The following ZNF438 variants were observed in gnomAD, a reference collection of about 807,000 sequenced individuals.
The protein encoded by ZNF438 is zinc finger protein 438.
In ZNF438, 25 loss-of-function variants were observed where a neutral mutation model predicts 38.0. The ratio of observed to expected loss-of-function variants is 0.66; its 90% CI spans 0.48 to 0.92. The LOEUF is 0.92. ZNF438 is among the 40% of genes least tolerant of loss of function. The pLI is 0.00. For synonymous variants in ZNF438, 372 were observed against 364.1 expected (o/e 1.02, Z -0.25); for missense variants, 1,007 against 999.6 (o/e 1.01, Z -0.10).
chr10:30,938,404 T>C (rs1202407679), intron 2 of ZNF438, among the ~76,000 whole-genome samples: 1 of 152,078 alleles, frequency 6.6e-6, no homozygotes, highest in Non-Finnish European at 1.5e-5. Context: ...GCCTCCCAAG[T>C]AGCTGGGATT....
At chr10:30,856,583 G>A (rs2034671000) in intron 4 of ZNF438, among the ~76,000 whole-genome samples, 2 of 152,126 alleles carry the variant, frequency 1.3e-5, no homozygotes, top group Admixed American at 1.3e-4. Flanking sequence ...ACTCTCACCT[G>A]CACCCACTAA....
In ZNF438 at chr10:30,877,078, A is replaced by T. The variant is rs1305536988; in HGVS notation, c.-31-13T>A. On this transcript the variant is annotated splice_polypyrimidine_tract_variant and intron_variant, in intron 3 of 5. Transcript: ENST00000413025. ...AATAGTATCTTTCCTAAAAATAAGC[A>T]AGCACAAATAAGTATTAGAAAGTAA... The T allele has an allele frequency of 2.0e-6, 3 of 1,495,446 alleles. No individual in the cohort carries two copies. The highest frequency in any genetic ancestry group is 2.8e-6 in the Non-Finnish European group (3 of 1,088,406). 92.6% of individuals were successfully genotyped at this position (1,495,446 alleles called of 1,614,324 possible).
chr10:30,978,579 T>G (rs572844059), intron 1 of ZNF438, among the ~76,000 whole-genome samples: 1 of 152,180 alleles, frequency 6.6e-6, no homozygotes, highest in African/African-American at 2.4e-5. Flanking sequence ...ACACAACCAT[T>G]ATCCCAAAAA....
intron 2 of ZNF438, among the ~76,000 whole-genome samples, chr10:30,914,165 C>A (rs1244806053): frequency 6.6e-6 from 1 of 151,810 alleles, no homozygotes; most frequent in Non-Finnish European, 1.5e-5. Context: ...ATATTAATTT[C>A]GAGACAATCT....
intron 1 of ZNF438, among the ~76,000 whole-genome samples, chr10:31,013,104 G>T (rs1216680496): frequency 1.3e-5 from 2 of 152,126 alleles, no homozygotes; most frequent in Non-Finnish European, 2.9e-5. Flanking sequence ...CGGATCACGA[G>T]GTCAGGAGAT....
exon 5 of ZNF438, chr10:30,849,754 A>C (rs1212800831): frequency 1.9e-6 from 3 of 1,614,044 alleles, no homozygotes; most frequent in Non-Finnish European, 1.7e-6. Flanking sequence ...CTGGGGTAGC[A>C]GGAGGGTTCA....
chr10:30,905,959 T>C (rs1721592567), intron 3 of ZNF438, among the ~76,000 whole-genome samples: 2 of 152,216 alleles, frequency 1.3e-5, no homozygotes, highest in South Asian at 4.1e-4. Context: ...CTGTTATTTA[T>C]TATAGCTTTG....
At chr10:30,848,831 T>C in exon 5 of ZNF438, 1 of 1,614,220 alleles carries the variant, frequency 6.2e-7, no homozygotes, top group Non-Finnish European at 8.5e-7. Flanking sequence ...TGTATTCATG[T>C]GGTCTCGAAG....
intron 1 of ZNF438, among the ~76,000 whole-genome samples, chr10:30,999,843 A>T (rs535519608): frequency 6.6e-6 from 1 of 152,284 alleles, no homozygotes; most frequent in South Asian, 2.1e-4. Flanking sequence ...TTACACCTAG[A>T]GATTGTTCAT....
chr10:30,975,725 T>C (rs1018391137), intron 1 of ZNF438, among the ~76,000 whole-genome samples: 1 of 152,140 alleles, frequency 6.6e-6, no homozygotes, highest in Non-Finnish European at 1.5e-5. Context: ...AGATATAATA[T>C]GAAAATAAAT....
At chr10:30,951,015 A>C (rs12251775) in intron 1 of ZNF438, among the ~76,000 whole-genome samples, 47,008 of 127,162 alleles carry the variant, frequency 0.37, 8,575 homozygotes, top group Admixed American at 0.39. Flanking sequence ...TACTGGCAAA[A>C]CGAATCCAGC....
chr10:30,879,612 G>A (rs1427253737), intron 3 of ZNF438, among the ~76,000 whole-genome samples: 2 of 152,050 alleles, frequency 1.3e-5, no homozygotes, highest in Admixed American at 6.6e-5. Context: ...TTAAGTACAG[G>A]TAGAAAAGAC....
At chr10:30,857,672 C>T in intron 4 of ZNF438, 2 of 1,506,708 alleles carry the variant, frequency 1.3e-6, no homozygotes, top group South Asian at 1.3e-5. Context: ...TTTGAATTTG[C>T]CACTTACTAT....
In ZNF438 at chr10:30,872,425, CAAAAAAAAAAAAAAAAAAAA is replaced by C. The variant is rs566401687; in HGVS notation, c.37+4553_37+4572del. ...TGGGTGACAGAACAAGACTCTGTCT[CAAAAAAAAAAAAAAAAAAAA>C]AAAAAAAAAAAAAAAAAAAAAGAGG... On this transcript the variant is annotated intron_variant, in intron 4 of 5. Transcript: ENST00000413025. Among the ~76,000 whole-genome samples the C allele has an allele frequency of 6.1e-4, 36 of 58,692 alleles. 2 individuals carry two copies. Among genetic ancestry groups the C allele is most frequent in the East Asian group, 2.5e-3 (4 of 1,602 alleles). 38.5% of individuals were successfully genotyped at this position (58,692 alleles called of 152,430 possible).
chr10:30,892,370 T>C (rs1233865741), intron 3 of ZNF438, among the ~76,000 whole-genome samples: 1 of 152,174 alleles, frequency 6.6e-6, no homozygotes, highest in Admixed American at 6.5e-5. Context: ...TGAACACATA[T>C]GTAACAACAT....
intron 1 of ZNF438, among the ~76,000 whole-genome samples, chr10:31,005,926 T>A (rs1170300555): frequency 2.0e-5 from 3 of 152,252 alleles, no homozygotes; most frequent in African/African-American, 2.4e-5. Flanking sequence ...TTTATTATGT[T>A]GTGACCTTGG....
chr10:30,952,079 C>A (rs1474217180), intron 1 of ZNF438, among the ~76,000 whole-genome samples: 1 of 150,940 alleles, frequency 6.6e-6, no homozygotes, highest in African/African-American at 2.4e-5. Flanking sequence ...CTGAACAGAG[C>A]CCTCAGAAAT....
At chr10:30,899,370 A>G (rs1010379555) in intron 3 of ZNF438, among the ~76,000 whole-genome samples, 3 of 152,246 alleles carry the variant, frequency 2.0e-5, no homozygotes, top group Admixed American at 2.0e-4. Flanking sequence ...TTATTTGCCT[A>G]AATGATTCGT....
chr10:30,852,112 G>A (rs1408154804), intron 4 of ZNF438, among the ~76,000 whole-genome samples: 1 of 151,646 alleles, frequency 6.6e-6, no homozygotes, highest in East Asian at 2.0e-4. Context: ...GTAGTGAGCC[G>A]AGATCGCACC....
Sources: allele counts gnomAD v4.1 joint callset (sites outside exome capture counted in the v4.1 genomes callset), GRCh38; gene constraint gnomAD v4.1.1; transcripts MANE v1.5; gene names NCBI Gene and HGNC (gene_info 2026-07-23, HGNC 2026-07-21).